Variants in CNTRL observed in about 807,000 individuals in gnomAD.
CNTRL encodes centriolin, also known as 110 kDa centrosomal protein.
CNTRL carries 233 observed loss-of-function variants against 303.7 expected under a neutral mutation model. The observed-to-expected ratio is 0.77, with a 90% CI of 0.69 to 0.86. The LOEUF is 0.86. Among genes scored for constraint, CNTRL ranks in the 40% least tolerant of loss-of-function variants. The probability of loss-of-function intolerance (pLI) is 0.00; values close to 1 mark genes in which losing one functional copy is unlikely to be tolerated. For missense variants in CNTRL, 2,524 were observed against 2,650.6 expected (o/e 0.95, Z 1.05); for synonymous variants, 900 against 922.2 (o/e 0.98, Z 0.44).
At chr9:121,127,743 C>T (rs955853948) in intron 14 of CNTRL, among the ~76,000 whole-genome samples, 2 of 151,744 alleles carry the variant, frequency 1.3e-5, no homozygotes, top group African/African-American at 4.8e-5. Context: ...TTGCTGCACC[C>T]ATTAACTCGT....
At chr9:121,103,343 C>G (rs1216426642) in intron 7 of CNTRL, among the ~76,000 whole-genome samples, 2 of 152,144 alleles carry the variant, frequency 1.3e-5, no homozygotes, top group African/African-American at 2.4e-5. Flanking sequence ...ACTGGCTAGC[C>G]ATATGTAGAA....
intron 14 of CNTRL, among the ~76,000 whole-genome samples, chr9:121,128,908 T>G (rs1379275581): frequency 1.3e-5 from 2 of 152,268 alleles, no homozygotes; most frequent in Non-Finnish European, 2.9e-5. Context: ...TTTCCCCATT[T>G]CTTGTTTTTG....
At position 121,103,625 on chromosome 9, in the gene CNTRL, G is replaced by C. The variant is rs180776819; in HGVS notation, c.809-4177G>C. On this transcript the variant is annotated intron_variant, in intron 7 of 43. Coordinates refer to ENST00000373855, the MANE Select transcript of CNTRL (RefSeq NM_007018.6). ...GAGTGAACAGGCAACCTACAGAATG[G>C]GAGAAAATTTTTGCAATGCACCCAT... 4.1e-3 allele frequency among the ~76,000 whole-genome samples: 619 copies of C among 152,192 alleles called. 1 individual carries two copies. The highest frequency in any genetic ancestry group is 0.01 in the Middle Eastern group (3 of 294).
intron 3 of CNTRL, 147 bp downstream of exon 3, chr9:121,088,690 A>G: frequency 1.7e-6 from 1 of 603,162 alleles, no homozygotes; most frequent in Non-Finnish European, 2.9e-6. Context: ...GACTGTAAGG[A>G]CAGTTGGAGG....
intron 19 of CNTRL, among the ~76,000 whole-genome samples, chr9:121,143,357 C>T (rs7036541): frequency 2.3e-4 from 35 of 152,060 alleles, no homozygotes; most frequent in African/African-American, 8.2e-4. Flanking sequence ...GCTGTCTGAT[C>T]GATCTGTCAC....
intron 39 of CNTRL, among the ~76,000 whole-genome samples, chr9:121,171,054 A>T (rs1441061209): frequency 6.6e-6 from 1 of 152,210 alleles, no homozygotes; most frequent in East Asian, 1.9e-4. Flanking sequence ...GGATACGCTG[A>T]TAACTAGTGA....
At chr9:121,145,064 A>G in intron 21 of CNTRL, 105 bp downstream of exon 21, 4 of 1,167,490 alleles carry the variant, frequency 3.4e-6, no homozygotes, top group Non-Finnish European at 5.0e-6. Flanking sequence ...AGTGCAATCA[A>G]TAGTTAATAA....
chr9:121,099,744 G>A (rs187757541), intron 7 of CNTRL, among the ~76,000 whole-genome samples: 14 of 152,294 alleles, frequency 9.2e-5, no homozygotes, highest in Admixed American at 5.9e-4. Context: ...ACCGTGGCAC[G>A]AGAACTACGT....
At chr9:121,100,529 TAATG>T (rs1245172002) in intron 7 of CNTRL, among the ~76,000 whole-genome samples, 1 of 152,204 alleles carries the variant, frequency 6.6e-6, no homozygotes, top group African/African-American at 2.4e-5. Flanking sequence ...GCTAACATCA[TAATG>T]AAAGGACCAA....
chr9:121,139,987 C>T (rs1187382553), intron 16 of CNTRL, among the ~76,000 whole-genome samples: 2 of 152,156 alleles, frequency 1.3e-5, no homozygotes, highest in South Asian at 4.1e-4. Flanking sequence ...CAACTAACCT[C>T]CTGAGTACAA....
chr9:121,141,340 TTA>T (rs764904810), intron 17 of CNTRL, 39 bp from the exon 18 acceptor site: 5 of 1,486,658 alleles, frequency 3.4e-6, no homozygotes, highest in Non-Finnish European at 4.7e-6. Context: ...GCATCAAAAA[TTA>T]AATGTCACAT....
At chr9:121,129,579 A>C (rs1385791393) in intron 14 of CNTRL, among the ~76,000 whole-genome samples, 1 of 152,206 alleles carries the variant, frequency 6.6e-6, no homozygotes, top group African/African-American at 2.4e-5. Flanking sequence ...GTCATCTGCA[A>C]ACTGAGACAA....
In CNTRL at chr9:121,088,427, C is replaced by G; in HGVS notation, c.101C>G (p.Ser34Ter). 1 of 1,611,060 alleles carries G rather than the reference C, an allele frequency of 6.2e-7. No individual in the cohort carries two copies. Among genetic ancestry groups the G allele is most frequent in the Non-Finnish European group, 8.5e-7 (1 of 1,177,216 alleles). Residue 34 changes from serine to a stop codon, truncating the protein, a stop_gained, in exon 3 of 44, where the codon TCA becomes TGA. Coordinates refer to ENST00000373855, the MANE Select transcript of CNTRL (RefSeq NM_007018.6). LOFTEE classifies it high-confidence loss of function. ...TCTATGTCCAATATGAGATCTAGGT[C>G]ACTTTCACCTTTGATTGGATCAGAG... is the stretch of plus-strand genomic sequence containing the variant. Reference protein sequence around the residue: ...PSSMSNMRSRSLSPLIGSETL... With the variant: ...PSSMSNMRSR
intron 7 of CNTRL, among the ~76,000 whole-genome samples, chr9:121,098,855 CAG>C (rs766940978): frequency 1.3e-5 from 2 of 150,110 alleles, no homozygotes; most frequent in African/African-American, 2.4e-5. Flanking sequence ...AACAAAGTAA[CAG>C]GGGAACCCTC....
chr9:121,162,729 AC>A (rs2052911494), intron 34 of CNTRL, among the ~76,000 whole-genome samples: 1 of 152,182 alleles, frequency 6.6e-6, no homozygotes, highest in Non-Finnish European at 1.5e-5. Flanking sequence ...TAGGTATGAC[AC>A]CAAAACAACT....
chr9:121,088,564 A>G (rs1286246417), intron 3 of CNTRL, 21 bp downstream of exon 3: 2 of 1,524,860 alleles, frequency 1.3e-6, no homozygotes, highest in Non-Finnish European at 1.8e-6. Flanking sequence ...TTAATCTAAG[A>G]ATTGGTCTGA....
intron 1 of CNTRL, 82 bp from the exon 2 acceptor site, chr9:121,080,224 G>C (rs887119249): frequency 1.6e-5 from 2 of 125,342 alleles, no homozygotes; most frequent in Non-Finnish European, 3.6e-5. Flanking sequence ...TTATCTCATA[G>C]AGTTGTTGTA....
chr9:121,129,769 G>T (rs7857779), intron 14 of CNTRL, among the ~76,000 whole-genome samples: 58,479 of 152,018 alleles, frequency 0.38, 12,676 homozygotes, highest in South Asian at 0.65. Flanking sequence ...TTGGCTGTGG[G>T]TTTGTCATAA....
chr9:121,078,778 A>G (rs143032852), intron 1 of CNTRL, among the ~76,000 whole-genome samples: 26 of 152,310 alleles, frequency 1.7e-4, no homozygotes, highest in African/African-American at 5.5e-4. Flanking sequence ...ACTTACTTAC[A>G]TTTACTGGTT....
Sources: allele counts gnomAD v4.1 joint callset (sites outside exome capture counted in the v4.1 genomes callset), GRCh38; gene constraint gnomAD v4.1.1; transcripts MANE v1.5; gene names NCBI Gene and HGNC (gene_info 2026-07-23, HGNC 2026-07-21).